Variants in SLC22A24 observed in about 807,000 individuals in gnomAD.
The protein encoded by SLC22A24 is solute carrier family 22 member 24.
Under a neutral mutation model 49.8 loss-of-function variants are expected in SLC22A24, and 53 were observed. The observed-to-expected ratio is 1.06, with a 90% CI of 0.85 to 1.34. The LOEUF (loss-of-function observed/expected upper bound fraction) is 1.34. Ranked by LOEUF, SLC22A24 falls within the 40% of genes most tolerant of loss-of-function variation. SLC22A24 has a pLI of 0.00. For missense variants in SLC22A24, 786 were observed against 675.9 expected, an observed-to-expected ratio of 1.16 and a Z score of -1.81; for synonymous variants, 302 against 256.4, an observed-to-expected ratio of 1.18 and a Z score of -1.70.
intron 5 of SLC22A24, 62 bp from the exon 6 acceptor site, chr11:63,096,168 G>T (rs1010088555): frequency 3.7e-6 from 4 of 1,070,390 alleles, no homozygotes; most frequent in Admixed American, 2.0e-5. Flanking sequence ...AGGCATAGTG[G>T]TAAGTACTAG....
chr11:63,143,371 C>A lies in SLC22A24; in HGVS notation c.402+7G>T. On this transcript the variant is annotated splice_region_variant and intron_variant, in intron 1 of 9. Transcript: ENST00000612278. ...TATAAACAGAAGATTTACATGGGGC[C>A]TCTTACCTCAGTCACGATGGTGGAG... is the stretch of plus-strand genomic sequence containing the variant. 1 of 1,440,050 alleles carries A rather than the reference C, an allele frequency of 6.9e-7. No homozygotes were observed. Among genetic ancestry groups the A allele is most frequent in the Non-Finnish European group, 9.1e-7 (1 of 1,094,460 alleles). 89.2% of individuals were successfully genotyped at this position (1,440,050 alleles called of 1,614,324 possible).
rs191488189 is a variant in SLC22A24 at position 63,132,132 on chromosome 11, A to G, written c.506+2533T>C. On this transcript the variant is annotated intron_variant, in intron 2 of 9. Transcript: ENST00000612278. ...CATGCTGTGGTTTTCAGCTCCATCC[A>G]GTCCTTTAAGGTCTTTTCTACACTG... 3.3e-5 allele frequency among the ~76,000 whole-genome samples: 5 copies of G among 152,256 alleles called. No individual in the cohort carries two copies. In the East Asian group the frequency reaches 9.7e-4, roughly 29 times the overall value.
In SLC22A24 at chr11:63,143,429, C is replaced by T. The variant is rs1328982732; in HGVS notation, c.351G>A (p.Val117=). The change falls in exon 1 of 10, where the codon GTG becomes GTA. Residue 117 remains valine, a synonymous_variant. Coordinates refer to ENST00000612278, the MANE Select transcript of SLC22A24 (RefSeq NM_001136506.2). ...AGCTTCTGTCGTACACCCAGCCATC[C>T]ACACAGGGCTCCGTGTCTGGCTCAT... ...NTNEPDTEPC[V]DGWVYDRSSF... 4 of 1,538,894 alleles carry T rather than the reference C, an allele frequency of 2.6e-6. No homozygotes were observed. The highest frequency in any genetic ancestry group is 2.8e-5 in the African/African-American group (2 of 71,756).
chr11:63,087,698 G>A (rs769962245), intron 6 of SLC22A24, among the ~76,000 whole-genome samples: 3 of 152,212 alleles, frequency 2.0e-5, no homozygotes, highest in Admixed American at 6.5e-5. Flanking sequence ...TGCTGCCAGC[G>A]CAGTAGTCTG....
chr11:63,141,610 A>G (rs2087416225), intron 1 of SLC22A24, among the ~76,000 whole-genome samples: 1 of 152,186 alleles, frequency 6.6e-6, no homozygotes, highest in South Asian at 2.1e-4. Context: ...TCACTTTCTA[A>G]CAGGCCCAGG....
intron 7 of SLC22A24, among the ~76,000 whole-genome samples, chr11:63,082,077 C>T (rs1008459617): frequency 2.0e-5 from 3 of 151,998 alleles, no homozygotes; most frequent in African/African-American, 4.8e-5. Context: ...TCCAGTGGGG[C>T]ATAGAACTAT....
chr11:63,098,866 A>C (rs2087071813), intron 5 of SLC22A24, among the ~76,000 whole-genome samples: 1 of 152,136 alleles, frequency 6.6e-6, no homozygotes, highest in Non-Finnish European at 1.5e-5. Context: ...AACAAAATTG[A>C]CAAACTTCTA....
At chr11:63,119,360 G>T (rs781245375) in intron 2 of SLC22A24, 25 bp from the exon 3 acceptor site, 2 of 1,491,144 alleles carry the variant, frequency 1.3e-6, no homozygotes, top group Non-Finnish European at 1.8e-6. Context: ...ACCAGATAAC[G>T]TTACTTAGGA....
At chr11:63,080,830 A>C in intron 9 of SLC22A24, 90 bp downstream of exon 9, 16 of 1,087,200 alleles carry the variant, frequency 1.5e-5, no homozygotes, top group Non-Finnish European at 2.0e-5. Flanking sequence ...TGAAGGACAG[A>C]GGGCCCCAAA....
At position 63,080,971 on chromosome 11, in the gene SLC22A24, GGAA is replaced by G. The variant is rs1480658550; in HGVS notation, c.1544_1546del (p.Leu515del). The G allele has an allele frequency of 6.4e-7, 1 of 1,552,166 alleles. No homozygotes were observed. The highest frequency in any genetic ancestry group is 8.7e-7 in the Non-Finnish European group (1 of 1,147,182). Reference sequence around the variant, plus strand: ...AGGAAGAGGTAGATCCCTGGTTTCTGGAAGGAGGAGGATAACAGGGACAGCAAG... The same window carrying G: ...AGGAAGAGGTAGATCCCTGGTTTCTGGGAGGAGGATAACAGGGACAGCAAG... On this transcript the variant is annotated inframe_deletion, in exon 9 of 10. Transcript: ENST00000612278.
intron 2 of SLC22A24, 64 bp from the exon 3 acceptor site, chr11:63,119,399 A>C: frequency 7.2e-7 from 1 of 1,381,090 alleles, no homozygotes; most frequent in Non-Finnish European, 9.7e-7. Flanking sequence ...AAACTTGACA[A>C]ACAATGGCGC....
At chr11:63,113,181 TATATATAC>T (rs1565332274) in intron 4 of SLC22A24, among the ~76,000 whole-genome samples, 4 of 7,850 alleles carry the variant, frequency 5.1e-4, no homozygotes, top group African/African-American at 7.5e-4. Context: ...TATATACATA[TATATATAC>T]ACATATATAT....
intron 4 of SLC22A24, among the ~76,000 whole-genome samples, chr11:63,109,253 A>G (rs2087144919): frequency 1.4e-5 from 2 of 146,856 alleles, no homozygotes; most frequent in Admixed American, 6.9e-5. Flanking sequence ...TCAGTGTTGG[A>G]CATTTGGGTT....
At chr11:63,098,018 A>C (rs950894567) in intron 5 of SLC22A24, among the ~76,000 whole-genome samples, 1 of 152,206 alleles carries the variant, frequency 6.6e-6, no homozygotes, top group African/African-American at 2.4e-5. Flanking sequence ...GCAAACCACC[A>C]TGGCACATGT....
intron 4 of SLC22A24, among the ~76,000 whole-genome samples, chr11:63,117,731 G>A (rs2087221596): frequency 6.6e-6 from 1 of 152,060 alleles, no homozygotes; most frequent in South Asian, 2.1e-4. Flanking sequence ...TTTACCATAA[G>A]AATATAGTAT....
At chr11:63,131,961 G>C (rs1054216795) in intron 2 of SLC22A24, among the ~76,000 whole-genome samples, 1 of 152,084 alleles carries the variant, frequency 6.6e-6, no homozygotes, top group East Asian at 1.9e-4. Context: ...CATATTTCTT[G>C]ACAGCTTTGT....
Position 63,081,647 on chromosome 11 carries a change from CA to C in SLC22A24, c.1304del (p.Val435GlyfsTer3). The C allele has an allele frequency of 1.3e-6, 2 of 1,551,162 alleles. No homozygotes were observed. The highest frequency in any genetic ancestry group is 1.7e-6 in the Non-Finnish European group (2 of 1,146,554). ...TACCAATTCCCAAAGTTGCTAAAAC[CA>C]CACGCAGGATCTGCATTTCTAGAGA... Reference protein sequence around the residue: ...FLPQEMQILRVVLATLGIGSV... With the variant: ...FLPQEMQILRXVLATLGIGSV... On this transcript the variant is annotated frameshift_variant, in exon 8 of 10. Transcript: ENST00000612278. LOFTEE classifies it high-confidence loss of function.
In SLC22A24 at chr11:63,119,287, G is replaced by A; in HGVS notation, c.555C>T (p.Ile185=). 3 of 1,551,192 alleles carry A rather than the reference G, an allele frequency of 1.9e-6. No individual in the cohort carries two copies. The highest frequency in any genetic ancestry group is 2.6e-6 in the Non-Finnish European group (3 of 1,146,778). The change falls in exon 3 of 10, where the codon ATC becomes ATT. Residue 185 remains isoleucine (I), a synonymous_variant. Coordinates refer to ENST00000612278, the MANE Select transcript of SLC22A24 (RefSeq NM_001136506.2). ...ICKLCFLQLA[I]SNTCAAFAPT... ...GAGCGAAGGCCGCACAGGTGTTAGA[G>A]ATGGCCAGCTGGAGGAAACACAATT...
chr11:63,091,842 G>A (rs1018235789), intron 6 of SLC22A24, among the ~76,000 whole-genome samples: 35 of 152,012 alleles, frequency 2.3e-4, no homozygotes, highest in African/African-American at 7.7e-4. Context: ...TTTGAAAACC[G>A]GCACAAGACA....
Sources: gnomAD v4.1 joint callset for allele counts (sites outside exome capture counted in the v4.1 genomes callset) on GRCh38, gnomAD v4.1.1 for gene constraint, MANE v1.5 for transcripts, NCBI Gene and HGNC (gene_info 2026-07-23, HGNC 2026-07-21) for gene names.